CRYBG1: variants seen among roughly 807,000 people sequenced by gnomAD.
The protein encoded by CRYBG1 is beta/gamma crystallin domain-containing protein 1.
CRYBG1 carries 139 observed loss-of-function variants against 189.2 expected under a neutral mutation model. The ratio of observed to expected loss-of-function variants is 0.73; its 90% CI spans 0.64 to 0.85. The LOEUF is 0.85. Ranked by LOEUF, CRYBG1 falls within the 40% of genes least tolerant of loss-of-function variation. The probability of loss-of-function intolerance (pLI) is 0.00; values close to 1 mark genes in which losing one functional copy is unlikely to be tolerated. For missense variants in CRYBG1, 2,611 were observed against 2,675.8 expected, an observed-to-expected ratio of 0.98 and a Z score of 0.53; for synonymous variants, 1,023 against 1,017.1, an observed-to-expected ratio of 1.01 and a Z score of -0.11.
intron 1 of CRYBG1, among the ~76,000 whole-genome samples, chr6:106,384,529 G>A (rs776335037): frequency 1.8e-4 from 27 of 151,974 alleles, no homozygotes; most frequent in Admixed American, 1.0e-3. Context: ...AGTGACACTC[G>A]AATTGCGTTG....
intron 2 of CRYBG1, among the ~76,000 whole-genome samples, chr6:106,508,556 C>G (rs1773178608): frequency 6.6e-6 from 1 of 152,180 alleles, no homozygotes; most frequent in African/African-American, 2.4e-5. Flanking sequence ...TTTGCACTGT[C>G]TAGAATGTCA....
chr6:106,522,929 A>G (rs942177488), intron 4 of CRYBG1, among the ~76,000 whole-genome samples: 1 of 152,130 alleles, frequency 6.6e-6, no homozygotes, highest in Non-Finnish European at 1.5e-5. Flanking sequence ...AGGACCCTTT[A>G]TGTTTAAAAA....
intron 1 of CRYBG1, among the ~76,000 whole-genome samples, chr6:106,385,988 A>AAACAAC (rs929815646): frequency 6.6e-6 from 1 of 152,162 alleles, no homozygotes; most frequent in Non-Finnish European, 1.5e-5. Flanking sequence ...AAACAAAACA[A>AAACAAC]AACAACAACA....
intron 2 of CRYBG1, among the ~76,000 whole-genome samples, chr6:106,504,893 A>G (rs73515155): frequency 0.011 from 1,670 of 152,198 alleles, 24 homozygotes; most frequent in African/African-American, 0.037. Context: ...TCATGGGAAA[A>G]TACAATTTTA....
chr6:106,404,540 A>G (rs571893889), intron 1 of CRYBG1, among the ~76,000 whole-genome samples: 2 of 152,344 alleles, frequency 1.3e-5, no homozygotes, highest in East Asian at 3.9e-4. Flanking sequence ...CTTCACTGAT[A>G]TCTTGGCTGA....
chr6:106,435,376 G>A (rs1168636325), intron 1 of CRYBG1, among the ~76,000 whole-genome samples: 1 of 152,024 alleles, frequency 6.6e-6, no homozygotes, highest in Non-Finnish European at 1.5e-5. Context: ...TGTTGCCCAG[G>A]TTGGTCTTGA....
intron 2 of CRYBG1, among the ~76,000 whole-genome samples, chr6:106,464,492 C>CA (rs5878893): frequency 0.72 from 99,968 of 138,692 alleles, 35,670 homozygotes; most frequent in East Asian, 0.91. Context: ...GACTTTGTCT[C>CA]AAAAAAAAAA....
At chr6:106,400,264 G>A (rs774747695) in intron 1 of CRYBG1, among the ~76,000 whole-genome samples, 12 of 151,932 alleles carry the variant, frequency 7.9e-5, no homozygotes, top group Non-Finnish European at 1.8e-4. Flanking sequence ...ACAGGCATGA[G>A]CCACCATGCC....
At chr6:106,562,973 G>A (rs1774768991) in intron 20 of CRYBG1, among the ~76,000 whole-genome samples, 2 of 152,026 alleles carry the variant, frequency 1.3e-5, no homozygotes, top group Admixed American at 6.6e-5. Context: ...GCCCACAAGT[G>A]CATGCCACTA....
intron 1 of CRYBG1, among the ~76,000 whole-genome samples, chr6:106,397,925 C>A (rs1354399710): frequency 1.3e-5 from 2 of 152,116 alleles, no homozygotes; most frequent in Non-Finnish European, 2.9e-5. Flanking sequence ...TTGACTATCT[C>A]TGTATCAAAT....
At chr6:106,505,719 G>A (rs1773116646) in intron 2 of CRYBG1, among the ~76,000 whole-genome samples, 1 of 123,990 alleles carries the variant, frequency 8.1e-6, no homozygotes, top group South Asian at 2.6e-4. Context: ...CACAACTCAT[G>A]CTATTTTTTT....
intron 1 of CRYBG1, among the ~76,000 whole-genome samples, chr6:106,433,735 ACATATATATGTATATATATATGTG>A (rs58691580): frequency 0.13 from 10,698 of 83,276 alleles, 1,122 homozygotes; most frequent in East Asian, 0.29. Context: ...ATATATATAT[ACATATATATGTATATATATATGTG>A]TATATATATA....
At chr6:106,395,702 C>G (rs1459247937) in intron 1 of CRYBG1, among the ~76,000 whole-genome samples, 4 of 151,968 alleles carry the variant, frequency 2.6e-5, no homozygotes, top group African/African-American at 9.7e-5. Flanking sequence ...ATTTTGCCAT[C>G]CCTGAAGGAG....
At chr6:106,381,255 T>C (rs1309136117) in intron 1 of CRYBG1, among the ~76,000 whole-genome samples, 1 of 152,238 alleles carries the variant, frequency 6.6e-6, no homozygotes. Context: ...GTAGTCATAA[T>C]GTGTCTGTTG....
chr6:106,405,569 A>G (rs947419620), intron 1 of CRYBG1, among the ~76,000 whole-genome samples: 2 of 151,976 alleles, frequency 1.3e-5, no homozygotes, highest in African/African-American at 4.8e-5. Context: ...TGGGTCCCTG[A>G]CCCCCGTGCC....
At chr6:106,494,994 T>C (rs1449311588) in intron 2 of CRYBG1, among the ~76,000 whole-genome samples, 3 of 152,208 alleles carry the variant, frequency 2.0e-5, no homozygotes, top group Non-Finnish European at 4.4e-5. Context: ...CTACCTATAA[T>C]CCTATAATCA....
intron 1 of CRYBG1, among the ~76,000 whole-genome samples, chr6:106,425,581 C>T (rs1046669775): frequency 1.1e-4 from 17 of 152,260 alleles, no homozygotes; most frequent in Non-Finnish European, 2.1e-4. Context: ...CACTTTCTAA[C>T]GCAATGTGAC....
intron 1 of CRYBG1, among the ~76,000 whole-genome samples, chr6:106,366,715 AG>A (rs1304121151): frequency 6.6e-6 from 1 of 152,188 alleles, no homozygotes; most frequent in Non-Finnish European, 1.5e-5. Flanking sequence ...GAGCTGTAGG[AG>A]GATTGGATGT....
chr6:106,422,344 A>ATTTATTTATTTTTTT (rs57640822), intron 1 of CRYBG1, among the ~76,000 whole-genome samples: 51 of 139,988 alleles, frequency 3.6e-4, no homozygotes, highest in African/African-American at 1.2e-3. Context: ...TTATTTATTT[A>ATTTATTTATTTTTTT]TTTTTGAGAC....
Sources: gnomAD v4.1 joint callset for allele counts (sites outside exome capture counted in the v4.1 genomes callset) on GRCh38, gnomAD v4.1.1 for gene constraint, MANE v1.5 for transcripts, NCBI Gene and HGNC (gene_info 2026-07-23, HGNC 2026-07-21) for gene names.